ADCY2: variants seen among roughly 807,000 people sequenced by gnomAD.
ADCY2 encodes the protein adenylate cyclase type 2.
ADCY2 carries 31 observed loss-of-function variants against 125.2 expected under a neutral mutation model. The observed-to-expected ratio is 0.25, with a 90% CI of 0.19 to 0.33. The LOEUF is 0.33. ADCY2 is among the 10% of genes least tolerant of loss of function. ADCY2 has a pLI of 1.00. For missense variants in ADCY2, 904 were observed against 1,418.2 expected (o/e 0.64, Z 5.82); for synonymous variants, 512 against 548.4 (o/e 0.93, Z 0.93).
rs112694570 is a variant in ADCY2, at chr5:7,672,625, G to A, written c.721-18066G>A. On this transcript the variant is annotated intron_variant, in intron 4 of 24. Coordinates refer to ENST00000338316, the MANE Select transcript of ADCY2 (RefSeq NM_020546.3). ...AAGGATCCTCCTGCCTCAGCCTCCC[G>A]AGTAGCTGGGATTACAGGTGTGAGC... Among the ~76,000 whole-genome samples, 1,096 of 152,188 alleles carry A rather than the reference G, an allele frequency of 7.2e-3. 5 individuals carry two copies. Among genetic ancestry groups the A allele is most frequent in the Non-Finnish European group, 0.011 (775 of 67,980 alleles).
At chr5:7,444,085 A>G (rs1401752765) in intron 2 of ADCY2, among the ~76,000 whole-genome samples, 1 of 149,552 alleles carries the variant, frequency 6.7e-6, no homozygotes, top group Non-Finnish European at 1.5e-5. Context: ...TTTGGTGAAC[A>G]GTTCTGCTGG....
chr5:7,757,799 C>G (rs754596697), intron 16 of ADCY2, among the ~76,000 whole-genome samples: 1 of 152,322 alleles, frequency 6.6e-6, no homozygotes, highest in East Asian at 1.9e-4. Context: ...TGGAAACTTG[C>G]ATTTGGCTCC....
At chr5:7,520,589 T>C in intron 2 of ADCY2, 149 bp from the exon 3 acceptor site, 2 of 823,212 alleles carry the variant, frequency 2.4e-6, no homozygotes, top group Non-Finnish European at 3.7e-6. Flanking sequence ...TGGACTTATT[T>C]GCATCGACTG....
Position 7,598,387 on chromosome 5 carries a change from A to G in ADCY2, c.571-27780A>G, listed in dbSNP as rs116511175. Among the ~76,000 whole-genome samples the G allele has an allele frequency of 3.0e-3, 462 of 152,322 alleles. 1 individual carries two copies. The highest frequency in any genetic ancestry group is 5.7e-3 in the Admixed American group (87 of 15,302). ...ATCAAGGACATCCTATACTATTTTA[A>G]GAAGTTCACTACTGTACTTGACCTT... On this transcript the variant is annotated intron_variant, in intron 3 of 24. Transcript: ENST00000338316.
chr5:7,681,514 G>A (rs765744227), intron 4 of ADCY2, among the ~76,000 whole-genome samples: 42 of 152,274 alleles, frequency 2.8e-4, no homozygotes, highest in African/African-American at 7.9e-4. Context: ...GTATGTGACC[G>A]CTTCAGGATT....
chr5:7,670,299 G>A (rs1460552353), intron 4 of ADCY2, among the ~76,000 whole-genome samples: 1 of 151,960 alleles, frequency 6.6e-6, no homozygotes, highest in Admixed American at 6.5e-5. Context: ...TGTCTACCTA[G>A]TTTAAGAGAC....
At chr5:7,539,557 G>T (rs556907749) in intron 3 of ADCY2, among the ~76,000 whole-genome samples, 57 of 152,330 alleles carry the variant, frequency 3.7e-4, no homozygotes, top group African/African-American at 1.3e-3. Context: ...ATGCCTTAAA[G>T]TAATATTGGG....
intron 14 of ADCY2, 22 bp downstream of exon 14, chr5:7,727,283 T>C: frequency 6.2e-7 from 1 of 1,600,262 alleles, no homozygotes; most frequent in Non-Finnish European, 8.6e-7. Flanking sequence ...TGGTTTCCAC[T>C]GGGATTCTCA....
chr5:7,816,451 C>T (rs936852575), intron 22 of ADCY2, among the ~76,000 whole-genome samples: 15 of 152,230 alleles, frequency 9.9e-5, no homozygotes, highest in African/African-American at 3.6e-4. Context: ...AAGGAGCGGG[C>T]ACCCCCTAGC....
chr5:7,568,388 G>A (rs1326652591), intron 3 of ADCY2, among the ~76,000 whole-genome samples: 1 of 152,024 alleles, frequency 6.6e-6, no homozygotes, highest in African/African-American at 2.4e-5. Flanking sequence ...GAAGCATATG[G>A]TATTATCCTT....
chr5:7,483,667 G>T (rs927388983), intron 2 of ADCY2, among the ~76,000 whole-genome samples: 3 of 152,148 alleles, frequency 2.0e-5, no homozygotes, highest in African/African-American at 4.8e-5. Flanking sequence ...GCTAGAATGT[G>T]CCATTGAGTG....
chr5:7,695,699 A>G, intron 5 of ADCY2, 53 bp from the exon 6 acceptor site: 1 of 1,124,426 alleles, frequency 8.9e-7, no homozygotes, highest in East Asian at 2.7e-5. Flanking sequence ...TTACTTTCTT[A>G]AAAAATGTAT....
intron 4 of ADCY2, among the ~76,000 whole-genome samples, chr5:7,679,512 C>T (rs2126712916): frequency 6.6e-6 from 1 of 152,240 alleles, no homozygotes; most frequent in Non-Finnish European, 1.5e-5. Context: ...AGGAGAGAAG[C>T]CAGTTAGGAG....
chr5:7,774,781 T>G (rs1428117809), intron 18 of ADCY2, among the ~76,000 whole-genome samples: 2 of 152,196 alleles, frequency 1.3e-5, no homozygotes, highest in Non-Finnish European at 2.9e-5. Context: ...CGACTTGCCT[T>G]CACTTCCATC....
At chr5:7,704,793 G>A (rs1412640910) in intron 7 of ADCY2, among the ~76,000 whole-genome samples, 8 of 151,822 alleles carry the variant, frequency 5.3e-5, no homozygotes, top group Non-Finnish European at 1.2e-4. Context: ...CAGGAGAATG[G>A]CGTGAACCCG....
At chr5:7,400,616 A>G (rs964912836) in intron 1 of ADCY2, among the ~76,000 whole-genome samples, 1 of 152,234 alleles carries the variant, frequency 6.6e-6, no homozygotes, top group Non-Finnish European at 1.5e-5. Flanking sequence ...GAGGGCAGAC[A>G]AATGTGCCCA....
chr5:7,597,101 T>G (rs1298153583), intron 3 of ADCY2, among the ~76,000 whole-genome samples: 1 of 152,220 alleles, frequency 6.6e-6, no homozygotes, highest in Non-Finnish European at 1.5e-5. Flanking sequence ...TCTATTTATC[T>G]TGGTCTTTTT....
rs541733473 is a variant in ADCY2 at position 7,756,162 on chromosome 5, G to A, written c.1957-1287G>A. On this transcript the variant is annotated intron_variant, in intron 15 of 24. Transcript: ENST00000338316. ...GATAACGTATGCAAATTATGCCCAC[G>A]CAGCATCTGCATAGGCAGAGTTGAT... is the stretch of plus-strand genomic sequence containing the variant. 2.6e-5 allele frequency among the ~76,000 whole-genome samples: 4 copies of A among 152,296 alleles called. No homozygotes were observed. The East Asian group carries it at 5.8e-4, about 22-fold the overall frequency.
In ADCY2 at chr5:7,820,704, G is replaced by A. The variant is rs756353689; in HGVS notation, c.3123+15G>A. On this transcript the variant is annotated intron_variant, in intron 24 of 24. Coordinates refer to ENST00000338316, the MANE Select transcript of ADCY2 (RefSeq NM_020546.3). ...ACAAAATACAGGTAATGCAGAGTGT[G>A]GTCTGCGCTGCCTGCATCAACCATG... The A allele has an allele frequency of 1.9e-5, 31 of 1,610,788 alleles. No individual in the cohort carries two copies. The highest frequency in any genetic ancestry group is 2.6e-5 in the Non-Finnish European group (31 of 1,178,182).
Sources: allele counts gnomAD v4.1 joint callset (sites outside exome capture counted in the v4.1 genomes callset), GRCh38; gene constraint gnomAD v4.1.1; transcripts MANE v1.5; gene names NCBI Gene and HGNC (gene_info 2026-07-23, HGNC 2026-07-21).